The following TCF12 variants were observed in gnomAD, a reference collection of about 807,000 sequenced individuals.
TCF12 encodes transcription factor 12.
Under a neutral mutation model 86.0 loss-of-function variants are expected in TCF12, and 45 were observed. The observed-to-expected ratio is 0.52, with a 90% CI of 0.41 to 0.67. The LOEUF (loss-of-function observed/expected upper bound fraction) is 0.67. Ranked by LOEUF, TCF12 falls within the 30% of genes least tolerant of loss-of-function variation. The pLI is 0.00. For missense variants in TCF12, 881 were observed against 859.9 expected, an observed-to-expected ratio of 1.02 and a Z score of -0.31; for synonymous variants, 330 against 299.6, an observed-to-expected ratio of 1.10 and a Z score of -1.05.
At chr15:57,044,007 G>A (rs1013335095) in intron 3 of TCF12, among the ~76,000 whole-genome samples, 4 of 151,824 alleles carry the variant, frequency 2.6e-5, no homozygotes, top group East Asian at 1.9e-4. Flanking sequence ...ATTAAAAAAA[G>A]CTTAACAGAT....
intron 1 of TCF12, 53 bp from the exon 2 acceptor site, chr15:56,919,839 C>A (rs1353203116): frequency 2.6e-6 from 4 of 1,527,028 alleles, no homozygotes; most frequent in East Asian, 4.5e-5. Context: ...TCTGTTCCCT[C>A]ACACACTTTG....
intron 8 of TCF12, among the ~76,000 whole-genome samples, chr15:57,216,811 G>T (rs980550818): frequency 1.3e-5 from 2 of 151,976 alleles, no homozygotes; most frequent in African/African-American, 4.8e-5. Flanking sequence ...TAGTTTTTTG[G>T]GGGGTAAGGC....
intron 13 of TCF12, among the ~76,000 whole-genome samples, chr15:57,246,614 C>A (rs563910713): frequency 6.6e-6 from 1 of 151,782 alleles, no homozygotes; most frequent in East Asian, 1.9e-4. Flanking sequence ...TTTTTTATTC[C>A]CAGTACCACT....
At chr15:56,959,040 T>A (rs149677079) in intron 3 of TCF12, among the ~76,000 whole-genome samples, 1 of 152,182 alleles carries the variant, frequency 6.6e-6, no homozygotes, top group South Asian at 2.1e-4. Flanking sequence ...TCATACCTTA[T>A]TTTGAATTTT....
chr15:57,113,165 C>T (rs186654362), intron 5 of TCF12, among the ~76,000 whole-genome samples: 100 of 152,290 alleles, frequency 6.6e-4, no homozygotes, highest in Middle Eastern at 3.4e-3. Flanking sequence ...GCCATATCCC[C>T]GTGACTCCCT....
chr15:57,100,423 CTTT>C (rs571976256), intron 5 of TCF12, among the ~76,000 whole-genome samples: 2 of 130,830 alleles, frequency 1.5e-5, no homozygotes, highest in Admixed American at 7.8e-5. Context: ...TTCACTTCCT[CTTT>C]TTTTTTTTTT....
chr15:56,996,214 G>C (rs1352333425), intron 3 of TCF12, among the ~76,000 whole-genome samples: 3 of 152,026 alleles, frequency 2.0e-5, no homozygotes, highest in African/African-American at 7.2e-5. Flanking sequence ...TTTTGTGTCT[G>C]TATTCATCAG....
rs529786016 is a variant in TCF12 at position 57,087,532 on chromosome 15, A to G, written c.223-4257A>G. Among the ~76,000 whole-genome samples, 17 of 152,050 alleles carry G rather than the reference A, an allele frequency of 1.1e-4. No individual in the cohort carries two copies. The South Asian group carries it at 3.3e-3, about 30-fold the overall frequency. ...TACTGTAGCAGGGGTTAACATTTCT[A>G]AGTTCCTGCATCAGGAAATGAACAT... On this transcript the variant is annotated intron_variant, in intron 4 of 20. Transcript: ENST00000333725.
intron 3 of TCF12, among the ~76,000 whole-genome samples, chr15:56,927,936 A>T (rs2060086703): frequency 6.6e-6 from 1 of 152,168 alleles, no homozygotes; most frequent in Admixed American, 6.5e-5. Context: ...TTGTATACAA[A>T]TGTGTTGTGT....
At chr15:57,158,047 T>C (rs2054237409) in intron 5 of TCF12, among the ~76,000 whole-genome samples, 1 of 152,044 alleles carries the variant, frequency 6.6e-6, no homozygotes, top group African/African-American at 2.4e-5. Context: ...AACCTTCTCA[T>C]CCTCACCTAT....
intron 7 of TCF12, among the ~76,000 whole-genome samples, chr15:57,194,741 C>T (rs1461925911): frequency 2.6e-5 from 4 of 152,122 alleles, no homozygotes; most frequent in African/African-American, 9.7e-5. Flanking sequence ...GCGTCTTTCA[C>T]GTATTATCAC....
chr15:56,967,344 G>C (rs2062055160), intron 3 of TCF12, among the ~76,000 whole-genome samples: 1 of 151,952 alleles, frequency 6.6e-6, no homozygotes, highest in African/African-American at 2.4e-5. Context: ...TGATTATTGA[G>C]AATAGAGACT....
chr15:56,982,636 T>G (rs1328022535), intron 3 of TCF12, among the ~76,000 whole-genome samples: 1 of 152,168 alleles, frequency 6.6e-6, no homozygotes, highest in Non-Finnish European at 1.5e-5. Context: ...AAAATTAAAT[T>G]TGTACCTTGA....
chr15:57,133,467 C>T (rs2052292443), intron 5 of TCF12, among the ~76,000 whole-genome samples: 1 of 152,170 alleles, frequency 6.6e-6, no homozygotes, highest in Non-Finnish European at 1.5e-5. Flanking sequence ...CTGCCCCCTC[C>T]GAGGTCCTCA....
Position 57,289,796 on chromosome 15 carries a change from C to T in TCF12, c.*3651C>T, listed in dbSNP as rs1199055235. ...TATGGAAAGCTCTTATGGTTCTTGT[C>T]ACCTAAGAAGTACTTAATAAATGAT... On this transcript the variant is annotated 3_prime_UTR_variant, in exon 21 of 21. Transcript: ENST00000333725. 1.3e-5 allele frequency: 2 copies of T among 152,094 alleles called. No individual in the cohort carries two copies. Among genetic ancestry groups the T allele is most frequent in the African/African-American group, 4.8e-5 (2 of 41,426 alleles). The allele number at this position is 152,094 out of a possible 1,614,324, so 9.4% of individuals were successfully genotyped here. A position where few individuals can be genotyped will look rare whatever the true frequency, so the allele number is the denominator to read the frequency against.
At chr15:57,214,653 A>C (rs2593217) in intron 8 of TCF12, among the ~76,000 whole-genome samples, 39,416 of 152,042 alleles carry the variant, frequency 0.26, 5,249 homozygotes, top group African/African-American at 0.3. Flanking sequence ...ATGTGTCTTT[A>C]CATTGTGTTG....
At chr15:56,940,586 C>T (rs1299627977) in intron 3 of TCF12, among the ~76,000 whole-genome samples, 3 of 147,820 alleles carry the variant, frequency 2.0e-5, no homozygotes, top group African/African-American at 7.6e-5. Flanking sequence ...TTCTCCTTCT[C>T]CTCCTCCTCC....
At chr15:57,181,857 T>C (rs2056372760) in intron 6 of TCF12, among the ~76,000 whole-genome samples, 1 of 152,206 alleles carries the variant, frequency 6.6e-6, no homozygotes, top group South Asian at 2.1e-4. Flanking sequence ...GTTAGTGTTT[T>C]GGGGGATAAC....
At chr15:57,027,811 A>G (rs1375079760) in intron 3 of TCF12, among the ~76,000 whole-genome samples, 3 of 152,050 alleles carry the variant, frequency 2.0e-5, no homozygotes, top group African/African-American at 7.2e-5. Context: ...TAAATGTCTC[A>G]TGAGATCTGA....
Sources: gnomAD v4.1 joint callset for allele counts (sites outside exome capture counted in the v4.1 genomes callset) on GRCh38, gnomAD v4.1.1 for gene constraint, MANE v1.5 for transcripts, NCBI Gene and HGNC (gene_info 2026-07-23, HGNC 2026-07-21) for gene names.